ASPH: variants seen among roughly 807,000 people sequenced by gnomAD.
ASPH encodes aspartate beta-hydroxylase, also known as aspartyl/asparaginyl beta-hydroxylase.
A neutral mutation model predicts 118.4 loss-of-function variants in ASPH; 100 were observed. That is an observed-to-expected ratio of 0.84 (90% CI 0.72 to 1.00). ASPH has a LOEUF of 1.00. Ranked by LOEUF, ASPH falls within the 50% of genes least tolerant of loss-of-function variation. The pLI is 0.00. For missense variants in ASPH, 920 were observed against 919.5 expected (o/e 1.00, Z -0.01); for synonymous variants, 315 against 325.6 (o/e 0.97, Z 0.35).
chr8:61,606,353 C>T (rs2133716904), intron 14 of ASPH: 1 of 152,168 alleles, frequency 6.6e-6, no homozygotes, highest in Non-Finnish European at 1.5e-5. Flanking sequence ...GGGAGAGGAG[C>T]CAAATTTCAA....
intron 6 of ASPH, among the ~76,000 whole-genome samples, chr8:61,646,290 G>C (rs951881355): frequency 6.6e-6 from 1 of 152,174 alleles, no homozygotes; most frequent in African/African-American, 2.4e-5. Flanking sequence ...GTACGATCCA[G>C]AAAACCTGAA....
intron 24 of ASPH, among the ~76,000 whole-genome samples, chr8:61,514,979 G>A (rs192470297): frequency 2.0e-5 from 3 of 151,276 alleles, no homozygotes; most frequent in East Asian, 2.0e-4. Context: ...AGGGAGGGAA[G>A]GAGGGAGGGA....
intron 21 of ASPH, among the ~76,000 whole-genome samples, chr8:61,526,817 C>T (rs926143141): frequency 6.6e-6 from 1 of 151,990 alleles, no homozygotes; most frequent in Non-Finnish European, 1.5e-5. Context: ...TCTGCACCAT[C>T]ACACTGGGTG....
In ASPH at chr8:61,684,096, C is replaced by T. The variant is rs775335939; in HGVS notation, c.196G>A (p.Val66Ile). The T allele has an allele frequency of 6.2e-6, 10 of 1,613,678 alleles. No individual in the cohort carries two copies. Among genetic ancestry groups the T allele is most frequent in the South Asian group, 2.2e-5 (2 of 91,072 alleles). ...CAAACGACAGCTACAGATGTCCAGA[C>T]GCCCAGCAATGCAATCACCATAAAC... ...TWFMVIALLGVWTSVAVVWFD... is the reference protein window; with the variant it reads ...TWFMVIALLGIWTSVAVVWFD... The change falls in exon 2 of 25, where the codon GTC (valine) becomes ATC (isoleucine). Residue 66 changes from valine to isoleucine, a missense_variant. Physicochemically the swap from Val to Ile is conservative, Grantham distance 29. Transcript: ENST00000379454.
intron 21 of ASPH, 83 bp from the exon 22 acceptor site, chr8:61,526,195 C>A (rs985815146): frequency 1.3e-6 from 2 of 1,541,938 alleles, no homozygotes; most frequent in Non-Finnish European, 1.8e-6. Context: ...TTTTGAGGTT[C>A]GTCTCAGAAA....
intron 14 of ASPH, among the ~76,000 whole-genome samples, chr8:61,610,076 A>G (rs1846847594): frequency 6.6e-6 from 1 of 152,220 alleles, no homozygotes; most frequent in South Asian, 2.1e-4. Context: ...ATTTTAAAAC[A>G]TACCAATACC....
intron 16 of ASPH, among the ~76,000 whole-genome samples, chr8:61,571,543 C>G (rs904509530): frequency 6.6e-6 from 1 of 151,860 alleles, no homozygotes; most frequent in Non-Finnish European, 1.5e-5. Flanking sequence ...CATTTTTATT[C>G]GTATTATTTT....
chr8:61,625,977 GT>G (rs1852617971), intron 13 of ASPH: 2 of 1,165,168 alleles, frequency 1.7e-6, no homozygotes, highest in South Asian at 4.3e-5. Context: ...ATAAATTCAG[GT>G]AAGACTAAAA....
rs533702182 is a variant in ASPH at position 61,615,762 on chromosome 8, A to G, written c.976+3216T>C. Among the ~76,000 whole-genome samples, 19 of 152,346 alleles carry G rather than the reference A, an allele frequency of 1.2e-4. 1 individual carries two copies. In the South Asian group the frequency reaches 3.9e-3, roughly 32 times the overall value. On this transcript the variant is annotated intron_variant, in intron 14 of 24. Coordinates refer to ENST00000379454, the MANE Select transcript of ASPH (RefSeq NM_004318.4). ...AAAAATAATCTGATTTGACTCAAGT[A>G]ACAGATGTCTGCAAATGAGGGCCTA...
chr8:61,503,181 G>T lies in ASPH; in HGVS notation c.*178C>A. On this transcript the variant is annotated 3_prime_UTR_variant, in exon 25 of 25. Coordinates refer to ENST00000379454, the MANE Select transcript of ASPH (RefSeq NM_004318.4). ...CAGCAGGGTGTTTCCTAAATGAATT[G>T]CAGCGAGGCAAATATTCCCTTTAGT... is the stretch of plus-strand genomic sequence containing the variant. The T allele has an allele frequency of 5.1e-6, 3 of 586,942 alleles. No individual in the cohort carries two copies. The highest frequency in any genetic ancestry group is 1.9e-5 in the African/African-American group (1 of 51,918). The allele number at this position is 586,942 out of a possible 1,614,324, so 36.4% of individuals were successfully genotyped here.
chr8:61,644,714 T>C (rs886528536), intron 6 of ASPH, 82 bp from the exon 7 acceptor site: 7 of 1,026,900 alleles, frequency 6.8e-6, no homozygotes, highest in African/African-American at 1.7e-5. Flanking sequence ...TCTGAATCTA[T>C]GCTTATCATT....
chr8:61,523,964 C>T (rs531601362), intron 22 of ASPH, among the ~76,000 whole-genome samples: 1 of 152,262 alleles, frequency 6.6e-6, no homozygotes, highest in Admixed American at 6.5e-5. Flanking sequence ...TGTAGACGCA[C>T]ACATGTAGTC....
intron 23 of ASPH, 144 bp from the exon 24 acceptor site, chr8:61,517,805 G>A: frequency 8.0e-7 from 1 of 1,254,162 alleles, no homozygotes; most frequent in Non-Finnish European, 1.1e-6. Flanking sequence ...TTATTTCTTT[G>A]TGAAGGAACT....
chr8:61,517,901 G>T, intron 23 of ASPH, 131 bp downstream of exon 23: 1 of 1,144,398 alleles, frequency 8.7e-7, no homozygotes, highest in Non-Finnish European at 1.3e-6. Context: ...ATAAAATTAT[G>T]TTTCAGTAAA....
intron 12 of ASPH, among the ~76,000 whole-genome samples, chr8:61,634,107 C>A (rs1172519552): frequency 1.3e-5 from 2 of 152,288 alleles, no homozygotes; most frequent in South Asian, 2.1e-4. Flanking sequence ...CAAACACTAT[C>A]CTTCATGAAG....
At chr8:61,701,361 A>T (rs140900723) in intron 1 of ASPH, among the ~76,000 whole-genome samples, 1 of 152,206 alleles carries the variant, frequency 6.6e-6, no homozygotes, top group East Asian at 1.9e-4. Context: ...CTCTTACTCA[A>T]TGTTACTCTA....
chr8:61,584,971 C>T (rs1226710207), intron 14 of ASPH, among the ~76,000 whole-genome samples: 4 of 152,226 alleles, frequency 2.6e-5, no homozygotes, highest in Admixed American at 6.5e-5. Flanking sequence ...CCACTGTGTG[C>T]GTCTTTAAGT....
rs1405751256 is a variant in ASPH at position 61,689,636 on chromosome 8, T to G, written c.104-5448A>C. On this transcript the variant is annotated intron_variant, in intron 1 of 24. Coordinates refer to ENST00000379454, the MANE Select transcript of ASPH (RefSeq NM_004318.4). ...ATAAAGTGAAAAGCTGTCAGCTAGA[T>G]CTAAAGCCACTTTTAGCCTAAATAA... 5.1e-6 allele frequency: 8 copies of G among 1,558,862 alleles called. No individual in the cohort carries two copies. The African/African-American group carries it at 1.1e-4, about 21-fold the overall frequency.
chr8:61,559,944 G>T (rs111564154), intron 18 of ASPH, among the ~76,000 whole-genome samples: 3,281 of 26,794 alleles, frequency 0.12, 47 homozygotes, highest in Non-Finnish European at 0.31. Context: ...TGAGGGTTGG[G>T]GGGGGGAGCA....
Sources: allele counts gnomAD v4.1 joint callset (sites outside exome capture counted in the v4.1 genomes callset), GRCh38; gene constraint gnomAD v4.1.1; transcripts MANE v1.5; gene names NCBI Gene and HGNC (gene_info 2026-07-23, HGNC 2026-07-21).